The following STON2 variants were observed in gnomAD, a reference collection of about 807,000 sequenced individuals.
STON2 encodes the protein stonin 2, also known as stonin-2.
A neutral mutation model predicts 65.7 loss-of-function variants in STON2; 29 were observed. The observed-to-expected ratio is 0.44, with a 90% CI of 0.33 to 0.60. The LOEUF is 0.60. Ranked by LOEUF, STON2 falls within the 20% of genes least tolerant of loss-of-function variation. The pLI, the probability that STON2 is intolerant of heterozygous loss-of-function variation, is 0.03. For missense variants in STON2, 1,054 were observed against 1,118.1 expected (o/e 0.94, Z 0.82); for synonymous variants, 404 against 414.2 (o/e 0.98, Z 0.30).
At chr14:81,287,841 C>A (rs1895398209) in intron 5 of STON2, among the ~76,000 whole-genome samples, 1 of 152,176 alleles carries the variant, frequency 6.6e-6, no homozygotes, top group East Asian at 1.9e-4. Flanking sequence ...TATGACTGAA[C>A]TGGCTTATTG....
chr14:81,296,687 C>T (rs1895773674), intron 5 of STON2, among the ~76,000 whole-genome samples: 1 of 152,160 alleles, frequency 6.6e-6, no homozygotes, highest in Non-Finnish European at 1.5e-5. Context: ...GGGCAGGTTG[C>T]ACAATATAAA....
chr14:81,277,857 G>A lies in STON2; in HGVS notation c.1625C>T (p.Pro542Leu), dbSNP rs201157432. Residue 542 changes from proline to leucine, a missense_variant, in exon 6 of 8, where the codon CCC becomes CTC. Transcript: ENST00000614646. ...ATTCTCATCATAGTTTTGAAGCCGG[G>A]GTTCTGAAATCTCATGACAGATCTC... ...KLEICHEISEPRLQNYDENGR... is the reference protein window; with the variant it reads ...KLEICHEISELRLQNYDENGR... The A allele has an allele frequency of 1.7e-5, 28 of 1,614,162 alleles. No homozygotes were observed. The Admixed American group carries it at 3.2e-4, about 18-fold the overall frequency.
chr14:81,384,580 AC>A (rs909150477), intron 3 of STON2, among the ~76,000 whole-genome samples: 4 of 151,476 alleles, frequency 2.6e-5, no homozygotes, highest in Non-Finnish European at 4.4e-5. Context: ...TCTGGTATGA[AC>A]CCCCCTCCCT....
intron 2 of STON2, among the ~76,000 whole-genome samples, chr14:81,422,816 G>A (rs1027705083): frequency 5.3e-5 from 8 of 152,066 alleles, no homozygotes; most frequent in African/African-American, 1.9e-4. Context: ...GGCAGATCAC[G>A]AGGTCAGGAG....
At chr14:81,309,707 C>T (rs1298340214) in intron 5 of STON2, among the ~76,000 whole-genome samples, 2 of 152,008 alleles carry the variant, frequency 1.3e-5, no homozygotes, top group Non-Finnish European at 2.9e-5. Context: ...GAGGAGCTAT[C>T]CTAAAGAGGG....
intron 5 of STON2, among the ~76,000 whole-genome samples, chr14:81,312,876 G>C (rs1380422708): frequency 1.3e-5 from 2 of 152,166 alleles, no homozygotes; most frequent in Non-Finnish European, 2.9e-5. Flanking sequence ...CAAATTCTTT[G>C]TGCTATTACA....
At chr14:81,390,312 G>C (rs747874842) in intron 3 of STON2, among the ~76,000 whole-genome samples, 1 of 152,210 alleles carries the variant, frequency 6.6e-6, no homozygotes, top group African/African-American at 2.4e-5. Flanking sequence ...AGAGGATCCA[G>C]GAAGAAGCCC....
At position 81,275,418 on chromosome 14, in the gene STON2, C is replaced by T. The variant is rs553641185; in HGVS notation, c.2581+1483G>A. Among the ~76,000 whole-genome samples the T allele has an allele frequency of 1.6e-4, 25 of 152,156 alleles. No homozygotes were observed. In the East Asian group the frequency reaches 4.8e-3, roughly 29 times the overall value. On this transcript the variant is annotated intron_variant, in intron 6 of 7. Transcript: ENST00000614646. ...CTATAAATAACTTGACTAAGTTATT[C>T]AAGGTCCCTTCCAGCTTGAAAATCC... is the stretch of plus-strand genomic sequence containing the variant.
intron 3 of STON2, among the ~76,000 whole-genome samples, chr14:81,373,705 G>A (rs1003680315): frequency 1.3e-5 from 2 of 152,152 alleles, no homozygotes; most frequent in Admixed American, 1.3e-4. Flanking sequence ...AACCGAAGAT[G>A]GGGAACAGAA....
At chr14:81,411,133 TG>T (rs1448418142) in intron 2 of STON2, among the ~76,000 whole-genome samples, 1 of 152,222 alleles carries the variant, frequency 6.6e-6, no homozygotes, top group African/African-American at 2.4e-5. Context: ...AGGAAAATTT[TG>T]GGGTATGTTC....
intron 3 of STON2, among the ~76,000 whole-genome samples, chr14:81,380,229 T>C (rs1899448746): frequency 1.3e-5 from 2 of 152,108 alleles, no homozygotes; most frequent in African/African-American, 4.8e-5. Flanking sequence ...CAAACAAGCA[T>C]ATGAAAAAAT....
At chr14:81,276,789 C>T in intron 6 of STON2, 112 bp downstream of exon 6, 1 of 1,300,416 alleles carries the variant, frequency 7.7e-7, no homozygotes, top group East Asian at 2.3e-5. Flanking sequence ...CCCCCTCCAT[C>T]ACCACTCCCA....
chr14:81,416,780 G>T (rs183502748), intron 2 of STON2, among the ~76,000 whole-genome samples: 9 of 152,152 alleles, frequency 5.9e-5, no homozygotes, highest in African/African-American at 1.9e-4. Flanking sequence ...AAACCATATC[G>T]AAGGGAGTCC....
intron 2 of STON2, among the ~76,000 whole-genome samples, chr14:81,426,742 C>T (rs934671620): frequency 3.9e-5 from 6 of 152,142 alleles, no homozygotes; most frequent in African/African-American, 1.4e-4. Context: ...GTTCATTTTA[C>T]AAAAAGGCAG....
chr14:81,338,750 T>C (rs1897473889), intron 4 of STON2, among the ~76,000 whole-genome samples: 1 of 152,234 alleles, frequency 6.6e-6, no homozygotes, highest in African/African-American at 2.4e-5. Context: ...TGGTGTCTGC[T>C]GGATAACTGG....
intron 5 of STON2, among the ~76,000 whole-genome samples, chr14:81,305,782 G>C (rs984906297): frequency 3.3e-5 from 5 of 151,246 alleles, no homozygotes; most frequent in African/African-American, 1.2e-4. Flanking sequence ...ATATTTTTAA[G>C]GGACTTACCT....
chr14:81,293,009 A>C (rs1240995838), intron 5 of STON2, among the ~76,000 whole-genome samples: 1 of 152,098 alleles, frequency 6.6e-6, no homozygotes, highest in Non-Finnish European at 1.5e-5. Flanking sequence ...GTCTTCATTG[A>C]CTGTCAACCA....
chr14:81,280,364 G>C (rs1253442317), intron 5 of STON2, among the ~76,000 whole-genome samples: 1 of 152,124 alleles, frequency 6.6e-6, no homozygotes, highest in Admixed American at 6.5e-5. Context: ...GCATATAGTA[G>C]GTACTCAATA....
At chr14:81,303,120 AAG>A (rs1245595117) in intron 5 of STON2, among the ~76,000 whole-genome samples, 1 of 151,796 alleles carries the variant, frequency 6.6e-6, no homozygotes, top group Admixed American at 6.6e-5. Context: ...GAATGAGAAT[AAG>A]AAAATGTGTA....
Sources: allele counts gnomAD v4.1 joint callset (sites outside exome capture counted in the v4.1 genomes callset), GRCh38; gene constraint gnomAD v4.1.1; transcripts MANE v1.5; gene names NCBI Gene and HGNC (gene_info 2026-07-23, HGNC 2026-07-21).